Variants in GSG1L observed in about 807,000 individuals in gnomAD.
GSG1L encodes germ cell-specific gene 1-like protein.
Under a neutral mutation model 42.1 loss-of-function variants are expected in GSG1L, and 24 were observed. The ratio of observed to expected loss-of-function variants is 0.57; its 90% CI spans 0.41 to 0.80. The LOEUF is 0.80. Among genes scored for constraint, GSG1L ranks in the 30% least tolerant of loss-of-function variants. The probability of loss-of-function intolerance (pLI) is 0.00; values close to 1 mark genes in which losing one functional copy is unlikely to be tolerated. For missense variants in GSG1L, 445 were observed against 472.2 expected (o/e 0.94, Z 0.53); for synonymous variants, 215 against 203.5 (o/e 1.06, Z -0.48).
chr16:28,019,313 C>T (rs550249268), intron 1 of GSG1L, among the ~76,000 whole-genome samples: 3 of 152,306 alleles, frequency 2.0e-5, no homozygotes, highest in African/African-American at 7.2e-5. Flanking sequence ...CCTCACTGCT[C>T]ATTATATGCT....
At chr16:28,002,059 C>G (rs577062665) in intron 1 of GSG1L, among the ~76,000 whole-genome samples, 1 of 152,192 alleles carries the variant, frequency 6.6e-6, no homozygotes, top group Non-Finnish European at 1.5e-5. Context: ...TCATTAAGCA[C>G]CTACTACGCG....
At chr16:27,812,852 G>T (rs185907654) in intron 5 of GSG1L, among the ~76,000 whole-genome samples, 1 of 151,986 alleles carries the variant, frequency 6.6e-6, no homozygotes, top group South Asian at 2.1e-4. Context: ...GAAGTGGTGC[G>T]ATCTCAGCTC....
At chr16:27,821,701 C>T (rs539163034) in intron 5 of GSG1L, among the ~76,000 whole-genome samples, 1 of 152,026 alleles carries the variant, frequency 6.6e-6, no homozygotes, top group East Asian at 1.9e-4. Flanking sequence ...GAGATCACGA[C>T]CATCCTGGGT....
intron 1 of GSG1L, among the ~76,000 whole-genome samples, chr16:28,056,630 A>AT (rs1018983412): frequency 4.0e-5 from 6 of 151,778 alleles, no homozygotes; most frequent in African/African-American, 7.3e-5. Context: ...AAAAATATAT[A>AT]TTAAAAAAAA....
intron 3 of GSG1L, among the ~76,000 whole-genome samples, chr16:27,877,661 G>C (rs144520687): frequency 6.6e-6 from 1 of 151,980 alleles, no homozygotes; most frequent in Admixed American, 6.6e-5. Flanking sequence ...AACACTGAGT[G>C]GGGAGACAGC....
chr16:27,851,767 G>A (rs2140990544), intron 3 of GSG1L, among the ~76,000 whole-genome samples: 1 of 152,354 alleles, frequency 6.6e-6, no homozygotes, highest in African/African-American at 2.4e-5. Flanking sequence ...AGTTGGCCTG[G>A]TGACACCTGT....
At chr16:27,941,099 T>C (rs1433615944) in intron 2 of GSG1L, among the ~76,000 whole-genome samples, 1 of 152,016 alleles carries the variant, frequency 6.6e-6, no homozygotes. Flanking sequence ...TTGGCAACAG[T>C]TCCTTGGGTA....
intron 2 of GSG1L, among the ~76,000 whole-genome samples, chr16:27,900,455 T>C (rs1224840000): frequency 6.6e-6 from 1 of 152,174 alleles, no homozygotes; most frequent in African/African-American, 2.4e-5. Flanking sequence ...CCAGCTCCCA[T>C]GGCACGAGAA....
intron 2 of GSG1L, among the ~76,000 whole-genome samples, chr16:27,912,919 T>G (rs1323584468): frequency 6.6e-6 from 1 of 152,204 alleles, no homozygotes; most frequent in Non-Finnish European, 1.5e-5. Flanking sequence ...GCTAGGAAGC[T>G]GTGAACAGAA....
intron 1 of GSG1L, among the ~76,000 whole-genome samples, chr16:27,964,454 C>T (rs1465697060): frequency 6.6e-6 from 1 of 152,140 alleles, no homozygotes. Context: ...TTGTATTTAT[C>T]AATCGTGGAT....
At chr16:27,983,104 G>C (rs1326011707) in intron 1 of GSG1L, among the ~76,000 whole-genome samples, 1 of 152,172 alleles carries the variant, frequency 6.6e-6, no homozygotes, top group East Asian at 1.9e-4. Flanking sequence ...GGAGGACAAG[G>C]CAGGAGGATC....
intron 4 of GSG1L, among the ~76,000 whole-genome samples, chr16:27,843,504 TAAAAA>T (rs55755431): frequency 3.8e-4 from 29 of 75,934 alleles, no homozygotes; most frequent in African/African-American, 1.3e-3. Flanking sequence ...AGAGACTCTG[TAAAAA>T]AAAAAAAAAA....
At position 27,828,956 on chromosome 16, in the gene GSG1L, G is replaced by A. The variant is rs748992322; in HGVS notation, c.663C>T (p.Cys221=). 1.4e-5 allele frequency: 23 copies of A among 1,613,888 alleles called. No individual in the cohort carries two copies. The highest frequency in any genetic ancestry group is 5.9e-6 in the Non-Finnish European group (7 of 1,179,934). The change falls in exon 5 of 7, where the codon TGC becomes TGT. Residue 221 remains cysteine, a splice_region_variant and synonymous_variant. Transcript: ENST00000447459. ...AGCAGGTAAAGGAGCCCCACGCCAG[G>A]CTGCCAAGAGATCAGGAGAGAGATG... ...PHSWDYGWSF[C]LAWGSFTCCM...
At chr16:27,995,238 A>T (rs192039791) in intron 1 of GSG1L, among the ~76,000 whole-genome samples, 70 of 152,360 alleles carry the variant, frequency 4.6e-4, no homozygotes, top group Admixed American at 9.1e-4. Context: ...GGCAGCAGGC[A>T]GACATTCTCA....
chr16:27,983,655 G>GTTGC (rs1489429496), intron 1 of GSG1L, among the ~76,000 whole-genome samples: 3 of 152,138 alleles, frequency 2.0e-5, no homozygotes, highest in Non-Finnish European at 2.9e-5. Flanking sequence ...GTCTCACTAT[G>GTTGC]TTGCCCAGGC....
At chr16:27,903,182 C>T (rs1006609493) in intron 2 of GSG1L, among the ~76,000 whole-genome samples, 3 of 152,022 alleles carry the variant, frequency 2.0e-5, no homozygotes, top group African/African-American at 7.2e-5. Context: ...TGTGGCTGGA[C>T]CCAGAGGCCA....
At chr16:27,977,288 G>A (rs1011940758) in intron 1 of GSG1L, among the ~76,000 whole-genome samples, 31 of 152,240 alleles carry the variant, frequency 2.0e-4, no homozygotes, top group South Asian at 8.3e-4. Flanking sequence ...GGTCAGAAAC[G>A]GAACAAGACA....
rs547051261 is a variant in GSG1L at position 27,899,149 on chromosome 16, G to A, written c.398-14511C>T. The stretch of plus-strand genomic sequence containing the variant: ...CGCCCCCAGACATCTGCTGATTCCC[G>A]TCACCTGCTGCTACCCTTGAAAACA... On this transcript the variant is annotated intron_variant, in intron 2 of 6. Coordinates refer to ENST00000447459, the MANE Select transcript of GSG1L (RefSeq NM_001109763.2). 3.3e-5 allele frequency among the ~76,000 whole-genome samples: 5 copies of A among 152,352 alleles called. No homozygotes were observed. In the South Asian group the frequency reaches 8.3e-4, roughly 25 times the overall value.
chr16:27,792,294 G>A (rs1233784236), intron 6 of GSG1L, among the ~76,000 whole-genome samples: 1 of 152,122 alleles, frequency 6.6e-6, no homozygotes. Flanking sequence ...TGTGGACATG[G>A]GTGTGCCCTA....
Sources: gnomAD v4.1 joint callset for allele counts (sites outside exome capture counted in the v4.1 genomes callset) on GRCh38, gnomAD v4.1.1 for gene constraint, MANE v1.5 for transcripts, NCBI Gene and HGNC (gene_info 2026-07-23, HGNC 2026-07-21) for gene names.